CSMD1: variants seen among roughly 807,000 people sequenced by gnomAD.
CSMD1 encodes CUB and sushi domain-containing protein 1.
In CSMD1, 213 loss-of-function variants were observed where a neutral mutation model predicts 417.5. The observed-to-expected ratio is 0.51, with a 90% confidence interval of 0.46 to 0.57. CSMD1 has a LOEUF of 0.57. Among genes scored for constraint, CSMD1 ranks in the 20% least tolerant of loss-of-function variants. The probability of loss-of-function intolerance (pLI) is 0.00; values close to 1 mark genes in which losing one functional copy is unlikely to be tolerated. For missense variants in CSMD1, 6,923 were observed against 4,529.7 expected (o/e 1.53, Z -15.17); for synonymous variants, 2,862 against 1,736.8 (o/e 1.65, Z -16.11).
intron 3 of CSMD1, among the ~76,000 whole-genome samples, chr8:4,114,994 A>G (rs1233985308): frequency 6.6e-6 from 1 of 152,246 alleles, no homozygotes; most frequent in Admixed American, 6.5e-5. Flanking sequence ...CTAGATTATT[A>G]TAGAAACCTA....
chr8:4,798,136 A>G lies in CSMD1; in HGVS notation c.86-160578T>C, dbSNP rs559596320. ...CAATAACTCATCATTTACATTAGGT[A>G]TATCTCCTAATGCTATCCCTCCCCA... is the stretch of plus-strand genomic sequence containing the variant. On this transcript the variant is annotated intron_variant, in intron 1 of 69. Transcript: ENST00000635120. 2.3e-3 allele frequency among the ~76,000 whole-genome samples: 353 copies of G among 152,314 alleles called. 2 individuals are homozygous for G. The highest frequency in any genetic ancestry group is 4.4e-3 in the South Asian group (21 of 4,820).
chr8:4,443,110 C>A (rs902461658), intron 2 of CSMD1, among the ~76,000 whole-genome samples: 2 of 152,050 alleles, frequency 1.3e-5, no homozygotes, highest in South Asian at 4.1e-4. Flanking sequence ...TATAAAAGGG[C>A]TGTAAAAAGT....
intron 3 of CSMD1, among the ~76,000 whole-genome samples, chr8:4,266,459 G>C (rs540170618): frequency 3.8e-5 from 4 of 104,400 alleles, no homozygotes; most frequent in African/African-American, 1.0e-4. Flanking sequence ...TGATTGGTTA[G>C]ATAGAAGCCA....
intron 1 of CSMD1, among the ~76,000 whole-genome samples, chr8:4,752,610 T>G (rs754619769): frequency 1.3e-5 from 2 of 152,102 alleles, no homozygotes; most frequent in African/African-American, 2.4e-5. Flanking sequence ...TAGAAAAATG[T>G]AGGGGAGCAA....
intron 3 of CSMD1, among the ~76,000 whole-genome samples, chr8:4,055,673 C>T (rs1413257421): frequency 1.3e-5 from 2 of 151,842 alleles, no homozygotes; most frequent in African/African-American, 2.4e-5. Flanking sequence ...ATAAATGCCA[C>T]CAAAGTAACA....
chr8:3,794,790 T>A (rs948389428), intron 5 of CSMD1, among the ~76,000 whole-genome samples: 4 of 151,994 alleles, frequency 2.6e-5, no homozygotes, highest in Non-Finnish European at 5.9e-5. Flanking sequence ...ATCTCTAAAG[T>A]GACAACCAAC....
chr8:3,987,220 G>T (rs142553367), intron 5 of CSMD1, among the ~76,000 whole-genome samples: 1 of 150,760 alleles, frequency 6.6e-6, no homozygotes, highest in African/African-American at 2.5e-5. Context: ...ACAGCAGCAC[G>T]CACTCTTCCT....
chr8:3,297,751 G>C (rs922907635), intron 25 of CSMD1, among the ~76,000 whole-genome samples: 1 of 152,102 alleles, frequency 6.6e-6, no homozygotes, highest in Non-Finnish European at 1.5e-5. Flanking sequence ...GGAGGAGCTA[G>C]CAATCTGGAC....
Position 3,431,784 on chromosome 8 carries a change from C to A in CSMD1, c.1562-22179G>T, listed in dbSNP as rs76268539. 6.4e-4 allele frequency among the ~76,000 whole-genome samples: 98 copies of A among 152,250 alleles called. No individual in the cohort carries two copies. In the East Asian group the frequency reaches 0.017, roughly 26 times the overall value. On this transcript the variant is annotated intron_variant, in intron 12 of 69. Transcript: ENST00000635120. ...TGTTCAATGACTTTGAAAATTTGCTCCTATTTATTCATAACATTGGAGAAA... is the reference window on the plus strand; with the variant it reads ...TGTTCAATGACTTTGAAAATTTGCTACTATTTATTCATAACATTGGAGAAA...
chr8:4,947,570 GT>G (rs917942131), intron 1 of CSMD1, among the ~76,000 whole-genome samples: 1 of 152,036 alleles, frequency 6.6e-6, no homozygotes, highest in Non-Finnish European at 1.5e-5. Context: ...AAATTAACTT[GT>G]ATGAAAAATT....
chr8:3,911,808 G>T (rs761484578), intron 5 of CSMD1, among the ~76,000 whole-genome samples: 2 of 152,218 alleles, frequency 1.3e-5, no homozygotes, highest in South Asian at 4.2e-4. Context: ...TGTAAATTCT[G>T]TCTAATTAAA....
At chr8:3,296,772 G>A (rs1563240279) in intron 25 of CSMD1, among the ~76,000 whole-genome samples, 1 of 152,110 alleles carries the variant, frequency 6.6e-6, no homozygotes, top group African/African-American at 2.4e-5. Context: ...AACTGGAAAA[G>A]TGGAGTTGTC....
chr8:2,969,909 T>A (rs1804295441), intron 57 of CSMD1, among the ~76,000 whole-genome samples: 1 of 152,186 alleles, frequency 6.6e-6, no homozygotes, highest in Non-Finnish European at 1.5e-5. Context: ...CTTCCCATGA[T>A]GTCCGTATCA....
At chr8:4,500,206 C>G (rs1448140027) in intron 2 of CSMD1, among the ~76,000 whole-genome samples, 7 of 150,676 alleles carry the variant, frequency 4.6e-5, no homozygotes, top group Admixed American at 3.3e-4. Context: ...GGATGGAACT[C>G]CAGGGAGAGG....
chr8:4,742,158 G>A (rs1188824444), intron 1 of CSMD1, among the ~76,000 whole-genome samples: 11 of 150,978 alleles, frequency 7.3e-5, no homozygotes, highest in Middle Eastern at 3.2e-3. Flanking sequence ...AGCCTCCCGA[G>A]TAGCTGGGAC....
At chr8:4,277,999 G>A (rs1035931542) in intron 3 of CSMD1, among the ~76,000 whole-genome samples, 1 of 152,008 alleles carries the variant, frequency 6.6e-6, no homozygotes, top group African/African-American at 2.4e-5. Context: ...TCGCCGCCTT[G>A]CCCTCCCAAA....
chr8:4,841,918 A>ACAAAAC (rs1563561029), intron 1 of CSMD1, among the ~76,000 whole-genome samples: 6 of 137,892 alleles, frequency 4.4e-5, no homozygotes, highest in East Asian at 2.1e-4. Flanking sequence ...TCTCAAAAAA[A>ACAAAAC]AAAAAAAAAA....
At chr8:3,110,061 A>T in intron 43 of CSMD1, 97 bp downstream of exon 43, 1 of 1,036,560 alleles carries the variant, frequency 9.6e-7, no homozygotes, top group Non-Finnish European at 1.4e-6. Context: ...TAAGAAGTTT[A>T]TTCTAAATAT....
At position 3,108,694 on chromosome 8, in the gene CSMD1, G is replaced by C. The variant is rs1275363922; in HGVS notation, c.6663C>G (p.Ala2221=). The C allele has an allele frequency of 1.9e-6, 3 of 1,613,604 alleles. No homozygotes were observed. The highest frequency in any genetic ancestry group is 2.2e-5 in the South Asian group (2 of 90,952). Residue 2221 remains alanine (A), a synonymous_variant, in exon 44 of 70, where the codon GCC becomes GCG. Coordinates refer to ENST00000635120, the MANE Select transcript of CSMD1 (RefSeq NM_033225.6). ...TGGTGGAGCTATACGCCGTTTCGAG[G>C]GCTGTGTTGCCACTGAAAACTCCCA... ...PQLGVFSGNT[A]LETAYSSTNQ... is the part of the protein sequence containing the mutation.
Sources: allele counts gnomAD v4.1 joint callset (sites outside exome capture counted in the v4.1 genomes callset), GRCh38; gene constraint gnomAD v4.1.1; transcripts MANE v1.5; gene names NCBI Gene and HGNC (gene_info 2026-07-23, HGNC 2026-07-21).